Variants in KIF16B observed in about 807,000 individuals in gnomAD.
KIF16B encodes the protein kinesin family member 16B, also known as kinesin-like protein KIF16B.
KIF16B carries 98 observed loss-of-function variants against 156.3 expected under a neutral mutation model. The ratio of observed to expected loss-of-function variants is 0.63; its 90% confidence interval spans 0.53 to 0.74. The LOEUF (loss-of-function observed/expected upper bound fraction) is 0.74. KIF16B is among the 30% of genes least tolerant of loss of function. The probability of loss-of-function intolerance (pLI) is 0.00; values close to 1 mark genes in which losing one functional copy is unlikely to be tolerated. For missense variants in KIF16B, 1,421 were observed against 1,606.5 expected, an observed-to-expected ratio of 0.88 and a Z score of 1.97; for synonymous variants, 564 against 583.7, an observed-to-expected ratio of 0.97 and a Z score of 0.49.
At chr20:16,323,179 T>A (rs549150713) in intron 24 of KIF16B, among the ~76,000 whole-genome samples, 1 of 152,120 alleles carries the variant, frequency 6.6e-6, no homozygotes, top group Admixed American at 6.6e-5. Flanking sequence ...TTTTCTTTAC[T>A]CCTGTGATAT....
At chr20:16,463,193 C>T (rs1160908432) in intron 12 of KIF16B, among the ~76,000 whole-genome samples, 1 of 152,190 alleles carries the variant, frequency 6.6e-6, no homozygotes, top group East Asian at 1.9e-4. Flanking sequence ...GAGCTTTTCT[C>T]TTTCTTTTGC....
At position 16,398,826 on chromosome 20, in the gene KIF16B, G is replaced by A. The variant is rs578169060; in HGVS notation, c.1784+5987C>T. On this transcript the variant is annotated intron_variant, in intron 17 of 25. Coordinates refer to ENST00000354981, the MANE Select transcript of KIF16B (RefSeq NM_024704.5). ...GACAGGAAAGCAGGCGGCTTCACAG[G>A]GACCTGGGCAAGGGAGGGGAGTCCC... 4.6e-5 allele frequency among the ~76,000 whole-genome samples: 7 copies of A among 152,268 alleles called. No individual in the cohort carries two copies. In the South Asian group the frequency reaches 1.5e-3, roughly 32 times the overall value.
At chr20:16,441,543 G>A (rs2066801344) in intron 12 of KIF16B, among the ~76,000 whole-genome samples, 1 of 152,064 alleles carries the variant, frequency 6.6e-6, no homozygotes, top group East Asian at 1.9e-4. Flanking sequence ...CAAAAAATTG[G>A]TATTTTTTGA....
Position 16,380,036 on chromosome 20 carries a change from C to G in KIF16B, c.1966G>C (p.Glu656Gln), listed in dbSNP as rs1286201734. The G allele has an allele frequency of 1.8e-5, 28 of 1,584,110 alleles. No homozygotes were observed. In the East Asian group the frequency reaches 6.3e-4, roughly 35 times the overall value. The change falls in exon 19 of 26, where the codon GAG becomes CAG. Residue 656 changes from glutamate to glutamine, a missense_variant. Glu to Gln is a conservative substitution (Grantham distance 29). Transcript: ENST00000354981. Reference protein sequence around the residue: ...IVQLQIRKQEESLKRRSFHIE... With the variant: ...IVQLQIRKQEQSLKRRSFHIE... Reference sequence around the variant, plus strand: ...TGGAAGCTGCGGCGTTTGAGGCTCTCCTCCTGCTTGCGAATCTGGAGCTGC... The same window carrying G: ...TGGAAGCTGCGGCGTTTGAGGCTCTGCTCCTGCTTGCGAATCTGGAGCTGC...
intron 25 of KIF16B, among the ~76,000 whole-genome samples, chr20:16,308,978 T>C (rs1180523455): frequency 6.6e-6 from 1 of 152,150 alleles, no homozygotes; most frequent in Non-Finnish European, 1.5e-5. Flanking sequence ...GGGAAGCATG[T>C]CACATATGAG....
chr20:16,480,943 T>C (rs2067965473), intron 12 of KIF16B, among the ~76,000 whole-genome samples: 1 of 152,212 alleles, frequency 6.6e-6, no homozygotes, highest in Non-Finnish European at 1.5e-5. Context: ...CTGCAAAACA[T>C]TCCAAGTTAT....
At chr20:16,368,274 A>C in intron 22 of KIF16B, 1 of 1,001,810 alleles carries the variant, frequency 1.0e-6, no homozygotes, top group African/African-American at 1.7e-5. Context: ...AACCTGGTAA[A>C]CCTGTAGCTG....
chr20:16,350,686 A>G (rs1024800200), intron 23 of KIF16B, among the ~76,000 whole-genome samples: 1 of 144,388 alleles, frequency 6.9e-6, no homozygotes, highest in Admixed American at 6.8e-5. Flanking sequence ...ATGGCTCATC[A>G]GTGACTGACT....
chr20:16,505,066 G>T (rs2068734261), intron 9 of KIF16B, among the ~76,000 whole-genome samples: 1 of 152,154 alleles, frequency 6.6e-6, no homozygotes. Flanking sequence ...ATGCATGTGG[G>T]TGTACAAACC....
intron 1 of KIF16B, among the ~76,000 whole-genome samples, chr20:16,562,536 A>T (rs2071100695): frequency 6.6e-6 from 1 of 152,126 alleles, no homozygotes; most frequent in South Asian, 2.1e-4. Context: ...ATCCCTCACG[A>T]GCAACCACAG....
intron 22 of KIF16B, among the ~76,000 whole-genome samples, chr20:16,363,846 G>A (rs1173873507): frequency 3.3e-5 from 5 of 152,124 alleles, no homozygotes; most frequent in African/African-American, 1.2e-4. Flanking sequence ...ATTTGGGGGG[G>A]TTGTTTGTTA....
At chr20:16,342,381 C>T (rs2123023423) in intron 23 of KIF16B, among the ~76,000 whole-genome samples, 1 of 152,180 alleles carries the variant, frequency 6.6e-6, no homozygotes, top group Admixed American at 6.5e-5. Flanking sequence ...TGCCTGGTAC[C>T]ATATTAGATG....
intron 17 of KIF16B, among the ~76,000 whole-genome samples, chr20:16,396,723 T>C (rs747726377): frequency 6.6e-6 from 1 of 150,894 alleles, no homozygotes; most frequent in Non-Finnish European, 1.5e-5. Flanking sequence ...TACATTTAAG[T>C]ATCACTCATT....
chr20:16,563,903 A>G (rs1389537467), intron 1 of KIF16B, among the ~76,000 whole-genome samples: 1 of 152,216 alleles, frequency 6.6e-6, no homozygotes, highest in Non-Finnish European at 1.5e-5. Context: ...ACCTAAAAGA[A>G]AGAAAAAACT....
rs772949909 is a variant in KIF16B, at chr20:16,511,484, G to A, written c.490C>T (p.Arg164Trp). ...AAATTGAAGGTTTTAGATGACTTCC[G>A]CCGAAGTAGATCTCTCACACGTTCG... ...YNERVRDLLR[R>W]KSSKTFNLRV... The change falls in exon 6 of 26, where the codon CGG becomes TGG. Residue 164 changes from arginine to tryptophan, a missense_variant. By Grantham distance (101) the Arg-to-Trp change is moderately radical. Transcript: ENST00000354981. 35 of 1,612,058 alleles carry A rather than the reference G, an allele frequency of 2.2e-5. No individual in the cohort carries two copies. The highest frequency in any genetic ancestry group is 4.5e-5 in the East Asian group (2 of 44,854).
At chr20:16,427,006 A>G in intron 15 of KIF16B, 98 bp downstream of exon 15, 1 of 1,074,616 alleles carries the variant, frequency 9.3e-7, no homozygotes, top group Non-Finnish European at 1.3e-6. Context: ...ATACCTAATC[A>G]ATAATTAATT....
intron 15 of KIF16B, among the ~76,000 whole-genome samples, chr20:16,414,203 T>C (rs1487714742): frequency 6.6e-6 from 1 of 152,010 alleles, no homozygotes; most frequent in Non-Finnish European, 1.5e-5. Context: ...GGAAGCTAGA[T>C]AGGAAAAGAT....
intron 22 of KIF16B, chr20:16,369,206 T>C (rs2064756153): frequency 1.0e-6 from 1 of 985,714 alleles, no homozygotes; most frequent in South Asian, 4.7e-5. Context: ...AGGCTGGAAG[T>C]GTCAGTGGCA....
At chr20:16,352,072 C>CCCT (rs2064349146) in intron 23 of KIF16B, among the ~76,000 whole-genome samples, 1 of 152,198 alleles carries the variant, frequency 6.6e-6, no homozygotes. Context: ...CACGACTAAT[C>CCCT]TGTAGGTGCA....
Sources: gnomAD v4.1 joint callset for allele counts (sites outside exome capture counted in the v4.1 genomes callset) on GRCh38, gnomAD v4.1.1 for gene constraint, MANE v1.5 for transcripts, NCBI Gene and HGNC (gene_info 2026-07-23, HGNC 2026-07-21) for gene names.